GLDC: variants seen among roughly 807,000 people sequenced by gnomAD.
GLDC encodes the protein glycine dehydrogenase (decarboxylating), mitochondrial.
Under a neutral mutation model 121.3 loss-of-function variants are expected in GLDC, and 104 were observed. The ratio of observed to expected loss-of-function variants is 0.86; its 90% CI spans 0.73 to 1.01. The LOEUF (loss-of-function observed/expected upper bound fraction) is 1.01. Among genes scored for constraint, GLDC ranks in the 50% least tolerant of loss-of-function variants. The probability of loss-of-function intolerance (pLI) is 0.00; values close to 1 mark genes in which losing one functional copy is unlikely to be tolerated. For missense variants in GLDC, 1,429 were observed against 1,306.6 expected (o/e 1.09, Z -1.44); for synonymous variants, 546 against 480.6 (o/e 1.14, Z -1.78).
intron 2 of GLDC, among the ~76,000 whole-genome samples, chr9:6,632,524 A>T (rs1255854187): frequency 3.3e-5 from 5 of 152,240 alleles, no homozygotes; most frequent in Non-Finnish European, 7.3e-5. Flanking sequence ...CTTGAGTCAA[A>T]ATGAGATCAA....
chr9:6,547,728 G>A (rs927698094), intron 21 of GLDC, among the ~76,000 whole-genome samples: 2 of 151,302 alleles, frequency 1.3e-5, no homozygotes, highest in African/African-American at 4.9e-5. Flanking sequence ...CTATACAATT[G>A]GTTAAATCAT....
intron 4 of GLDC, among the ~76,000 whole-genome samples, chr9:6,608,127 T>C (rs1240648870): frequency 8.0e-5 from 12 of 149,450 alleles, no homozygotes; most frequent in East Asian, 2.0e-4. Flanking sequence ...AAAAAAACAA[T>C]TGAGGGCCGG....
chr9:6,575,565 C>G (rs552084418), intron 15 of GLDC, among the ~76,000 whole-genome samples: 6 of 152,310 alleles, frequency 3.9e-5, no homozygotes, highest in African/African-American at 1.4e-4. Context: ...CATTGAGAGC[C>G]CTGTTCACAC....
chr9:6,586,202 G>C (rs1156377881), intron 15 of GLDC, among the ~76,000 whole-genome samples: 1 of 152,144 alleles, frequency 6.6e-6, no homozygotes, highest in African/African-American at 2.4e-5. Flanking sequence ...GGCTGAGGCA[G>C]GAGAATCTCT....
chr9:6,571,274 A>T (rs1481428499), intron 15 of GLDC, among the ~76,000 whole-genome samples: 1 of 152,224 alleles, frequency 6.6e-6, no homozygotes, highest in Admixed American at 6.5e-5. Flanking sequence ...CGGGACACCC[A>T]GTGGGTGCCT....
chr9:6,582,285 G>A (rs1475399308), intron 15 of GLDC, among the ~76,000 whole-genome samples: 9 of 150,598 alleles, frequency 6.0e-5, no homozygotes, highest in African/African-American at 1.7e-4. Flanking sequence ...TTGGGAGGCC[G>A]AGGTGGGCAG....
chr9:6,628,640 A>T (rs1162561307), intron 2 of GLDC, among the ~76,000 whole-genome samples: 1 of 152,190 alleles, frequency 6.6e-6, no homozygotes, highest in Non-Finnish European at 1.5e-5. Flanking sequence ...AAGTCAAAGA[A>T]TGAGACAGGA....
At chr9:6,570,001 G>A (rs946579999) in intron 15 of GLDC, among the ~76,000 whole-genome samples, 6 of 152,146 alleles carry the variant, frequency 3.9e-5, no homozygotes, top group Non-Finnish European at 7.3e-5. Context: ...AAAAAACATC[G>A]TGGCTAACTT....
chr9:6,602,253 G>T, intron 7 of GLDC, 48 bp from the exon 8 acceptor site: 1 of 1,081,456 alleles, frequency 9.2e-7, no homozygotes. Context: ...TCACAGCACT[G>T]GGAGATGCTA....
intron 2 of GLDC, among the ~76,000 whole-genome samples, chr9:6,622,506 G>C (rs1187150723): frequency 6.6e-6 from 1 of 152,146 alleles, no homozygotes; most frequent in Non-Finnish European, 1.5e-5. Context: ...GGCCTCCCGA[G>C]GTGCCGGGAT....
At chr9:6,644,537 G>A (rs574487203) in intron 2 of GLDC, 77 bp downstream of exon 2, 10 of 974,858 alleles carry the variant, frequency 1.0e-5, no homozygotes, top group Admixed American at 5.2e-5. Context: ...TTACCCCAGA[G>A]CTCGATTTTC....
intron 2 of GLDC, among the ~76,000 whole-genome samples, chr9:6,627,899 A>C (rs531049620): frequency 2.4e-4 from 37 of 152,334 alleles, no homozygotes; most frequent in African/African-American, 8.9e-4. Flanking sequence ...CACTCATGAA[A>C]TATCACTTTG....
At chr9:6,589,160 G>T in intron 12 of GLDC, 35 bp downstream of exon 12, 1 of 1,272,492 alleles carries the variant, frequency 7.9e-7, no homozygotes, top group Non-Finnish European at 1.2e-6. Flanking sequence ...GATTACCAAA[G>T]CACAAAACGC....
At chr9:6,547,290 G>C (rs565423607) in intron 21 of GLDC, among the ~76,000 whole-genome samples, 1 of 152,312 alleles carries the variant, frequency 6.6e-6, no homozygotes, top group South Asian at 2.1e-4. Context: ...AGTCAGCTGT[G>C]AAGGAGAAGG....
intron 15 of GLDC, among the ~76,000 whole-genome samples, chr9:6,571,441 C>T (rs1381607939): frequency 6.6e-6 from 1 of 152,214 alleles, no homozygotes; most frequent in Non-Finnish European, 1.5e-5. Flanking sequence ...AGTATCACTA[C>T]TCTTGTGCTT....
At chr9:6,635,106 C>A (rs539591341) in intron 2 of GLDC, among the ~76,000 whole-genome samples, 1 of 152,196 alleles carries the variant, frequency 6.6e-6, no homozygotes, top group East Asian at 1.9e-4. Flanking sequence ...TAACTTCAGA[C>A]GAAGTCTCCA....
chr9:6,586,496 G>A (rs905323637), intron 15 of GLDC, among the ~76,000 whole-genome samples: 1 of 152,164 alleles, frequency 6.6e-6, no homozygotes, highest in African/African-American at 2.4e-5. Flanking sequence ...GGCTGGAAGA[G>A]GAGAAGGGAC....
At chr9:6,629,005 A>G (rs756647881) in intron 2 of GLDC, among the ~76,000 whole-genome samples, 9 of 151,818 alleles carry the variant, frequency 5.9e-5, no homozygotes, top group Non-Finnish European at 1.3e-4. Context: ...ATCACTTCCT[A>G]AGAATCTGCA....
intron 15 of GLDC, among the ~76,000 whole-genome samples, chr9:6,575,379 G>C (rs1376891202): frequency 2.0e-5 from 3 of 152,190 alleles, no homozygotes; most frequent in East Asian, 3.8e-4. Flanking sequence ...GGTAAACCTA[G>C]TGGTTTTCAC....
Sources: allele counts gnomAD v4.1 joint callset (sites outside exome capture counted in the v4.1 genomes callset), GRCh38; gene constraint gnomAD v4.1.1; transcripts MANE v1.5; gene names NCBI Gene and HGNC (gene_info 2026-07-23, HGNC 2026-07-21).